THADA: variants seen among roughly 807,000 people sequenced by gnomAD.
The protein encoded by THADA is THADA armadillo repeat containing.
A neutral mutation model predicts 219.8 loss-of-function variants in THADA; 213 were observed. That is an observed-to-expected ratio of 0.97 (90% CI 0.87 to 1.09). The LOEUF is 1.09. Ranked by LOEUF, THADA falls within the 50% of genes least tolerant of loss-of-function variation. The pLI, the probability that THADA is intolerant of heterozygous loss-of-function variation, is 0.00. For synonymous variants in THADA, 1,018 were observed against 828.9 expected (o/e 1.23, Z -3.92); for missense variants, 2,956 against 2,311.3 (o/e 1.28, Z -5.72).
chr2:43,497,980 C>T (rs1025405780), intron 25 of THADA, among the ~76,000 whole-genome samples: 8 of 152,060 alleles, frequency 5.3e-5, no homozygotes, highest in Admixed American at 3.3e-4. Context: ...AAAACCTGCA[C>T]ATTCTACACA....
At chr2:43,533,798 T>C (rs1234877776) in intron 21 of THADA, among the ~76,000 whole-genome samples, 4 of 152,154 alleles carry the variant, frequency 2.6e-5, no homozygotes, top group Non-Finnish European at 5.9e-5. Flanking sequence ...CATGCGGGGC[T>C]TAAAACCTAG....
At chr2:43,476,738 T>C (rs997595492) in intron 26 of THADA, among the ~76,000 whole-genome samples, 2 of 152,174 alleles carry the variant, frequency 1.3e-5, no homozygotes, top group African/African-American at 4.8e-5. Flanking sequence ...CACAAACAGA[T>C]ACATATATCA....
intron 29 of THADA, among the ~76,000 whole-genome samples, chr2:43,344,747 T>C (rs1193184867): frequency 2.0e-5 from 3 of 151,944 alleles, no homozygotes; most frequent in African/African-American, 7.3e-5. Context: ...GTGATGTTTG[T>C]AACTATTTAG....
At chr2:43,364,566 G>A (rs1001736630) in intron 29 of THADA, among the ~76,000 whole-genome samples, 1 of 152,186 alleles carries the variant, frequency 6.6e-6, no homozygotes, top group Non-Finnish European at 1.5e-5. Context: ...TCACAATGGA[G>A]AATCACTGCA....
At chr2:43,414,651 G>C (rs1676717884) in intron 28 of THADA, among the ~76,000 whole-genome samples, 1 of 152,122 alleles carries the variant, frequency 6.6e-6, no homozygotes. Flanking sequence ...TCAGAACACA[G>C]ACTAGAAACT....
chr2:43,255,558 C>A (rs1304073234), intron 36 of THADA, among the ~76,000 whole-genome samples: 2 of 152,154 alleles, frequency 1.3e-5, no homozygotes, highest in African/African-American at 4.8e-5. Flanking sequence ...AGGGATTGGG[C>A]CCCCCAGAAC....
rs759289122 is a variant in THADA, at chr2:43,574,861, G to A, written c.1204C>T (p.His402Tyr). Residue 402 changes from histidine (H) to tyrosine (Y), a missense_variant, in exon 11 of 38, where the codon CAT becomes TAT. Coordinates refer to ENST00000405975, the MANE Select transcript of THADA (RefSeq NM_022065.5). ...TGGTGTCTCAGAGCATCCAATGGATGTTCCCAATGGGTATAGACATATTCC... is the reference window on the plus strand; with the variant it reads ...TGGTGTCTCAGAGCATCCAATGGATATTCCCAATGGGTATAGACATATTCC... Reference protein sequence around the residue: ...LLEYVYTHWEHPLDALRHQTK... With the variant: ...LLEYVYTHWEYPLDALRHQTK... 11 of 1,613,992 alleles carry A rather than the reference G, an allele frequency of 6.8e-6. No individual in the cohort carries two copies. In the South Asian group the frequency reaches 9.9e-5, roughly 14 times the overall value.
At chr2:43,549,714 T>C (rs6742108) in intron 19 of THADA, among the ~76,000 whole-genome samples, 32,647 of 152,056 alleles carry the variant, frequency 0.21, 3,666 homozygotes, top group South Asian at 0.27. Context: ...TAAACTTCAA[T>C]AAATTTAGTT....
At chr2:43,397,823 T>C (rs1054048733) in intron 29 of THADA, 148 bp downstream of exon 29, 32 of 688,878 alleles carry the variant, frequency 4.6e-5, no homozygotes. Context: ...AACTAGGAGA[T>C]ACCTGATCTT....
chr2:43,570,851 T>G (rs1356288056), intron 13 of THADA, among the ~76,000 whole-genome samples: 1 of 152,056 alleles, frequency 6.6e-6, no homozygotes, highest in Non-Finnish European at 1.5e-5. Context: ...TCTTTTGAGG[T>G]GCTTAAACTA....
At chr2:43,428,313 T>A (rs1310985024) in intron 27 of THADA, 82 bp from the exon 28 acceptor site, 1 of 1,364,116 alleles carries the variant, frequency 7.3e-7, no homozygotes, top group African/African-American at 1.5e-5. Context: ...TCTCATGAAA[T>A]AATTATGTAT....
intron 30 of THADA, among the ~76,000 whole-genome samples, chr2:43,325,311 G>C (rs188283833): frequency 4.7e-4 from 71 of 150,980 alleles, no homozygotes; most frequent in African/African-American, 1.7e-3. Context: ...TTTTTTTTTG[G>C]TTTTGTTTTG....
intron 16 of THADA, among the ~76,000 whole-genome samples, chr2:43,558,165 T>G (rs1697615335): frequency 6.6e-6 from 1 of 152,198 alleles, no homozygotes; most frequent in Non-Finnish European, 1.5e-5. Context: ...ACCTAGGATA[T>G]GCAGCTCCAA....
intron 26 of THADA, among the ~76,000 whole-genome samples, chr2:43,452,047 C>T (rs1682414240): frequency 6.6e-6 from 1 of 152,146 alleles, no homozygotes; most frequent in Non-Finnish European, 1.5e-5. Flanking sequence ...GTAGAGGTTG[C>T]AGTGAGCTGA....
chr2:43,501,713 G>A (rs1689002107), intron 24 of THADA, among the ~76,000 whole-genome samples: 1 of 152,220 alleles, frequency 6.6e-6, no homozygotes, highest in Non-Finnish European at 1.5e-5. Context: ...GGAGGCCTTA[G>A]CGGGCAGATC....
chr2:43,564,019 T>A (rs1235160802), intron 15 of THADA: 1 of 152,230 alleles, frequency 6.6e-6, no homozygotes, highest in Non-Finnish European at 1.5e-5. Context: ...TTTAAATGTA[T>A]TAAATTACTC....
intron 36 of THADA, among the ~76,000 whole-genome samples, chr2:43,251,363 T>C (rs1669790069): frequency 1.3e-5 from 2 of 152,202 alleles, no homozygotes; most frequent in Admixed American, 1.3e-4. Flanking sequence ...TACCCTGACA[T>C]CATGTGGAAA....
chr2:43,331,832 C>T (rs1412927480), intron 30 of THADA, among the ~76,000 whole-genome samples: 1 of 151,684 alleles, frequency 6.6e-6, no homozygotes, highest in African/African-American at 2.4e-5. Flanking sequence ...ACTGTATGTA[C>T]TTCTATGTAT....
intron 22 of THADA, among the ~76,000 whole-genome samples, chr2:43,519,683 A>C (rs1315291390): frequency 3.9e-5 from 6 of 152,216 alleles, no homozygotes; most frequent in African/African-American, 1.4e-4. Context: ...AGCTCAGTCA[A>C]ACACAGCATC....
Sources: allele counts gnomAD v4.1 joint callset (sites outside exome capture counted in the v4.1 genomes callset), GRCh38; gene constraint gnomAD v4.1.1; transcripts MANE v1.5; gene names NCBI Gene and HGNC (gene_info 2026-07-23, HGNC 2026-07-21).